STIMATE: variants seen among roughly 807,000 people sequenced by gnomAD.
The protein encoded by STIMATE is store-operated calcium entry regulator STIMATE.
In STIMATE, 15 loss-of-function variants were observed where a neutral mutation model predicts 36.7. The observed-to-expected ratio is 0.41, with a 90% CI of 0.27 to 0.63. The LOEUF is 0.63. STIMATE is among the 20% of genes least tolerant of loss of function. STIMATE has a pLI of 0.32. For missense variants in STIMATE, 305 were observed against 397.3 expected, an observed-to-expected ratio of 0.77 and a Z score of 1.98; for synonymous variants, 163 against 162.3, an observed-to-expected ratio of 1.00 and a Z score of -0.03.
chr3:52,876,644 T>C (rs143334289), intron 1 of STIMATE, among the ~76,000 whole-genome samples: 78 of 152,368 alleles, frequency 5.1e-4, no homozygotes, highest in African/African-American at 1.8e-3. Flanking sequence ...TCCACTTCCA[T>C]TTAATGAATA....
chr3:52,844,211 A>C (rs1196147692), intron 5 of STIMATE, among the ~76,000 whole-genome samples: 1 of 152,220 alleles, frequency 6.6e-6, no homozygotes, highest in Non-Finnish European at 1.5e-5. Flanking sequence ...ACCACCCCTA[A>C]AAGACAACAG....
chr3:52,878,823 CCTT>C (rs1277590846), intron 1 of STIMATE, among the ~76,000 whole-genome samples: 1 of 152,160 alleles, frequency 6.6e-6, no homozygotes, highest in Non-Finnish European at 1.5e-5. Flanking sequence ...CCATATCTAA[CCTT>C]CTCAACAGAT....
At chr3:52,848,724 T>C (rs1700948235) in intron 4 of STIMATE, among the ~76,000 whole-genome samples, 2 of 152,194 alleles carry the variant, frequency 1.3e-5, no homozygotes, top group South Asian at 4.1e-4. Flanking sequence ...GATGATGCTG[T>C]GCTGGTCCCC....
chr3:52,888,509 G>A (rs1701729966), intron 1 of STIMATE, among the ~76,000 whole-genome samples: 1 of 152,234 alleles, frequency 6.6e-6, no homozygotes, highest in Non-Finnish European at 1.5e-5. Flanking sequence ...GTAAAAGGAT[G>A]CGGCATGCAC....
intron 7 of STIMATE, among the ~76,000 whole-genome samples, chr3:52,840,952 T>G (rs1487674810): frequency 6.6e-6 from 1 of 152,170 alleles, no homozygotes; most frequent in Non-Finnish European, 1.5e-5. Context: ...GTAATCCACC[T>G]GCTTCGGACT....
rs779347042 is a variant in STIMATE, at chr3:52,842,978, G to A, written c.619-18C>T. On this transcript the variant is annotated intron_variant, in intron 6 of 7. Transcript: ENST00000355083. ...ATCAAAGCCTGTGGGAAGGAAAAGT[G>A]CAGGTTACTTTGGGATAAACCATTT... 8 of 1,614,008 alleles carry A rather than the reference G, an allele frequency of 5.0e-6. No homozygotes were observed. In the Admixed American group the frequency reaches 8.3e-5, roughly 17 times the overall value.
intron 1 of STIMATE, among the ~76,000 whole-genome samples, chr3:52,872,456 A>G (rs776116802): frequency 2.6e-5 from 4 of 152,194 alleles, no homozygotes; most frequent in Admixed American, 6.5e-5. Context: ...TATTAGTCCT[A>G]CAACAGGAAG....
At position 52,852,613 on chromosome 3, in the gene STIMATE, G is replaced by A; in HGVS notation, c.295C>T (p.Pro99Ser). ...VYLADLTEEDPCSLYLINFLL... is the reference protein window; with the variant it reads ...VYLADLTEEDSCSLYLINFLL... ...ATAGGGAACACTTACAGTGAACAAG[G>A]GTCCTCTTCAGTGAGATCTGCTAGG... Residue 99 changes from proline to serine, a missense_variant, in exon 3 of 8, where the codon CCT (proline) becomes TCT (serine). Pro to Ser is a moderately conservative substitution (Grantham distance 74, BLOSUM62 -1). Around this residue, in one of 3 missense-constraint regions of STIMATE, gnomAD observed 164 missense variants for 257.9 expected, o/e 0.64. Transcript: ENST00000355083. 1 of 1,614,074 alleles carries A rather than the reference G, an allele frequency of 6.2e-7. No individual in the cohort carries two copies.
At chr3:52,845,522 G>A (rs932191476) in intron 4 of STIMATE, among the ~76,000 whole-genome samples, 12 of 152,192 alleles carry the variant, frequency 7.9e-5, no homozygotes, top group Admixed American at 5.9e-4. Context: ...TCCAGCATGG[G>A]TCACCCCAAA....
intron 1 of STIMATE, among the ~76,000 whole-genome samples, chr3:52,861,825 G>A (rs1184882271): frequency 6.6e-6 from 1 of 152,152 alleles, no homozygotes; most frequent in South Asian, 2.1e-4. Flanking sequence ...AGGCAGCAAA[G>A]GGGCCCAATC....
intron 1 of STIMATE, among the ~76,000 whole-genome samples, chr3:52,888,606 G>A (rs899319919): frequency 7.9e-5 from 12 of 152,114 alleles, no homozygotes; most frequent in Non-Finnish European, 1.3e-4. Flanking sequence ...ATGCCTCTAC[G>A]TCATTTCATA....
intron 1 of STIMATE, among the ~76,000 whole-genome samples, chr3:52,858,871 A>C (rs1334801987): frequency 6.6e-6 from 1 of 152,196 alleles, no homozygotes; most frequent in East Asian, 1.9e-4. Context: ...TAAAAACGAC[A>C]AGGTAGGCCA....
chr3:52,874,074 A>G (rs1443569674), intron 1 of STIMATE, among the ~76,000 whole-genome samples: 1 of 152,238 alleles, frequency 6.6e-6, no homozygotes, highest in Non-Finnish European at 1.5e-5. Flanking sequence ...CTCTATAGTT[A>G]CACCTCCACA....
At chr3:52,854,714 A>G (rs1447532053) in intron 2 of STIMATE, among the ~76,000 whole-genome samples, 1 of 152,236 alleles carries the variant, frequency 6.6e-6, no homozygotes, top group Non-Finnish European at 1.5e-5. Flanking sequence ...AGTTGGACAG[A>G]AATGTGGATA....
At chr3:52,868,535 G>C (rs1212972300) in intron 1 of STIMATE, among the ~76,000 whole-genome samples, 2 of 152,190 alleles carry the variant, frequency 1.3e-5, no homozygotes, top group Non-Finnish European at 2.9e-5. Context: ...TCCACTTCAT[G>C]GGTTCACTGT....
chr3:52,839,584 A>G lies in STIMATE; in HGVS notation c.*910T>C, dbSNP rs1700761000. ...CTGGGCAGAGCCTTTCCTGTTCCAC[A>G]CTCTGCAGCTCCTGGATCTGCATCC... is the stretch of plus-strand genomic sequence containing the variant. On this transcript the variant is annotated 3_prime_UTR_variant, in exon 8 of 8. Transcript: ENST00000355083. 1 of 152,040 alleles carries G rather than the reference A, an allele frequency of 6.6e-6. No individual in the cohort carries two copies. Among genetic ancestry groups the G allele is most frequent in the South Asian group, 2.1e-4 (1 of 4,824 alleles). 9.4% of individuals were successfully genotyped at this position (152,040 alleles called of 1,614,324 possible).
At chr3:52,893,011 A>G (rs1396874849) in intron 1 of STIMATE, among the ~76,000 whole-genome samples, 1 of 152,034 alleles carries the variant, frequency 6.6e-6, no homozygotes, top group Non-Finnish European at 1.5e-5. Context: ...TCCACACAAC[A>G]AGCAGCCAGA....
At chr3:52,860,714 GGGA>G (rs1399479793) in intron 1 of STIMATE, among the ~76,000 whole-genome samples, 1 of 152,232 alleles carries the variant, frequency 6.6e-6, no homozygotes, top group Non-Finnish European at 1.5e-5. Flanking sequence ...AATAGGAGAG[GGGA>G]GAAGAGGTCA....
At chr3:52,847,239 G>C in intron 4 of STIMATE, 1 of 1,155,252 alleles carries the variant, frequency 8.7e-7, no homozygotes, top group Non-Finnish European at 1.1e-6. Context: ...TTACTGCAAT[G>C]AACAACCTCA....
Sources: gnomAD v4.1 joint callset for allele counts (sites outside exome capture counted in the v4.1 genomes callset) on GRCh38, gnomAD v4.1.1 for gene constraint, gnomAD v4.1.1 regional missense constraint, MANE v1.5 for transcripts, NCBI Gene and HGNC (gene_info 2026-07-23, HGNC 2026-07-21) for gene names.